The following NLK variants were observed in gnomAD, a reference collection of about 807,000 sequenced individuals.
The protein encoded by NLK is serine/threonine-protein kinase NLK.
Under a neutral mutation model 59.0 loss-of-function variants are expected in NLK, and 11 were observed. The observed-to-expected ratio is 0.19, with a 90% CI of 0.12 to 0.31. The LOEUF (loss-of-function observed/expected upper bound fraction) is 0.31, where lower values mean the gene tolerates loss of function less well. NLK is among the 10% of genes least tolerant of loss of function. The probability of loss-of-function intolerance (pLI) is 1.00; values close to 1 mark genes in which losing one functional copy is unlikely to be tolerated. For synonymous variants in NLK, 235 were observed against 235.9 expected (o/e 1.00, Z 0.03); for missense variants, 410 against 661.1 (o/e 0.62, Z 4.16).
chr17:28,069,245 A>G (rs1340719909), intron 1 of NLK, among the ~76,000 whole-genome samples: 1 of 152,204 alleles, frequency 6.6e-6, no homozygotes, highest in African/African-American at 2.4e-5. Context: ...TGTTGCTTGC[A>G]CATATCAGTG....
intron 3 of NLK, among the ~76,000 whole-genome samples, chr17:28,143,255 G>C (rs1290064889): frequency 2.0e-5 from 3 of 151,990 alleles, no homozygotes; most frequent in African/African-American, 7.3e-5. Context: ...TGTTGGCCAG[G>C]ATGGTCTCGC....
chr17:28,135,559 G>A (rs377573177), intron 3 of NLK, among the ~76,000 whole-genome samples: 14 of 152,350 alleles, frequency 9.2e-5, no homozygotes, highest in Non-Finnish European at 1.9e-4. Context: ...GTGGCCCAGA[G>A]GTTATTTCCT....
At chr17:28,159,839 G>A (rs1802451281) in intron 3 of NLK, among the ~76,000 whole-genome samples, 1 of 152,178 alleles carries the variant, frequency 6.6e-6, no homozygotes, top group African/African-American at 2.4e-5. Flanking sequence ...AGTAGTAACA[G>A]TGGATATAAG....
chr17:28,132,863 G>T (rs1255584431), intron 3 of NLK, among the ~76,000 whole-genome samples, 188 bp downstream of exon 3: 1 of 152,176 alleles, frequency 6.6e-6, no homozygotes. Context: ...AACATATCCT[G>T]TGTGGTGATG....
At chr17:28,188,959 A>G (rs1173114776) in intron 8 of NLK, among the ~76,000 whole-genome samples, 4 of 150,424 alleles carry the variant, frequency 2.7e-5, no homozygotes, top group Non-Finnish European at 4.4e-5. Context: ...GTGGTGAGAT[A>G]CACATACACA....
the NLK span, among the ~76,000 whole-genome samples, chr17:28,201,872 C>T: frequency 1.3e-5 from 2 of 152,038 alleles, no homozygotes; most frequent in East Asian, 1.9e-4. Flanking sequence ...AAAAGTTAGC[C>T]GGCCGTGGTG....
chr17:28,114,485 C>G (rs1194084213), intron 1 of NLK, among the ~76,000 whole-genome samples: 2 of 152,146 alleles, frequency 1.3e-5, no homozygotes. Context: ...ATAAGTGTTG[C>G]AAGCATCTTC....
chr17:28,110,914 G>A (rs1283770276), intron 1 of NLK, among the ~76,000 whole-genome samples: 9 of 146,514 alleles, frequency 6.1e-5, no homozygotes, highest in South Asian at 4.4e-4. Context: ...GCGGGATCTC[G>A]GCTCACTGCA....
downstream of NLK, among the ~76,000 whole-genome samples, chr17:28,200,906 C>T (rs1422243277): frequency 6.6e-6 from 1 of 152,172 alleles, no homozygotes; most frequent in Non-Finnish European, 1.5e-5. Flanking sequence ...AGGGCTTTTA[C>T]TCTTGTAAAG....
chr17:28,107,629 GGT>G (rs1905242528), intron 1 of NLK, among the ~76,000 whole-genome samples: 1 of 151,898 alleles, frequency 6.6e-6, no homozygotes, highest in African/African-American at 2.4e-5. Flanking sequence ...CATATTAAAA[GGT>G]ATTCAACAAT....
At chr17:28,063,644 C>G (rs1426541517) in intron 1 of NLK, among the ~76,000 whole-genome samples, 4 of 152,130 alleles carry the variant, frequency 2.6e-5, no homozygotes, top group South Asian at 2.1e-4. Flanking sequence ...TATAGTCAAA[C>G]TTGTAGAAGT....
At chr17:28,134,887 C>T (rs567688496) in intron 3 of NLK, among the ~76,000 whole-genome samples, 9 of 152,182 alleles carry the variant, frequency 5.9e-5, no homozygotes, top group South Asian at 2.1e-4. Context: ...GTTCTTTTCT[C>T]CTCAACTGTA....
At chr17:28,109,351 T>C (rs1402694630) in intron 1 of NLK, among the ~76,000 whole-genome samples, 2 of 152,218 alleles carry the variant, frequency 1.3e-5, no homozygotes, top group Non-Finnish European at 2.9e-5. Flanking sequence ...TGATATTCTA[T>C]GGTGATGATT....
intron 1 of NLK, among the ~76,000 whole-genome samples, chr17:28,046,698 C>T (rs1179333281): frequency 2.0e-5 from 3 of 152,076 alleles, no homozygotes; most frequent in Non-Finnish European, 4.4e-5. Context: ...TTCAGGGGCT[C>T]ATAATTTTGA....
intron 5 of NLK, among the ~76,000 whole-genome samples, chr17:28,163,930 A>T (rs1300771719): frequency 6.6e-6 from 1 of 152,268 alleles, no homozygotes; most frequent in African/African-American, 2.4e-5. Flanking sequence ...AGTGCATATC[A>T]GAAGAAATAT....
chr17:28,120,268 G>GTGTA (rs1905981207), intron 1 of NLK, among the ~76,000 whole-genome samples: 1 of 146,960 alleles, frequency 6.8e-6, no homozygotes, highest in Non-Finnish European at 1.5e-5. Context: ...GTGTGTGTGT[G>GTGTA]TGTGTATGTG....
chr17:28,045,504 C>A (rs528489185), intron 1 of NLK, among the ~76,000 whole-genome samples: 1 of 152,024 alleles, frequency 6.6e-6, no homozygotes, highest in Non-Finnish European at 1.5e-5. Flanking sequence ...TCACGTGATT[C>A]GGGTCTTTGT....
intron 1 of NLK, among the ~76,000 whole-genome samples, chr17:28,057,166 C>G (rs1909472115): frequency 1.3e-5 from 2 of 151,900 alleles, no homozygotes; most frequent in Admixed American, 6.6e-5. Context: ...TGTTGGTCAG[C>G]CTGGTCTCGA....
At chr17:28,083,209 G>A (rs1910405303) in intron 1 of NLK, among the ~76,000 whole-genome samples, 1 of 152,144 alleles carries the variant, frequency 6.6e-6, no homozygotes, top group Non-Finnish European at 1.5e-5. Flanking sequence ...TGGGTATCAG[G>A]ATGGGTGTCT....
Sources: allele counts gnomAD v4.1 joint callset (sites outside exome capture counted in the v4.1 genomes callset), GRCh38; gene constraint gnomAD v4.1.1; transcripts MANE v1.5; gene names NCBI Gene and HGNC (gene_info 2026-07-23, HGNC 2026-07-21).